Variants in KCTD8 observed in about 807,000 individuals in gnomAD.
KCTD8 encodes the protein potassium channel tetramerization domain containing 8.
A neutral mutation model predicts 31.5 loss-of-function variants in KCTD8; 27 were observed. That is an observed-to-expected ratio of 0.86 (90% CI 0.63 to 1.18). The LOEUF is 1.18. Among genes scored for constraint, KCTD8 ranks in the 50% most tolerant of loss-of-function variants. The probability of loss-of-function intolerance (pLI) is 0.00; values close to 1 mark genes in which losing one functional copy is unlikely to be tolerated. For synonymous variants in KCTD8, 290 were observed against 280.0 expected, an observed-to-expected ratio of 1.04 and a Z score of -0.36; for missense variants, 658 against 647.7, an observed-to-expected ratio of 1.02 and a Z score of -0.17.
chr4:44,235,497 C>G (rs1715249319), intron 1 of KCTD8, among the ~76,000 whole-genome samples: 1 of 105,502 alleles, frequency 9.5e-6, no homozygotes, highest in African/African-American at 3.4e-5. Context: ...TGGATTTTAC[C>G]CATGTATACA....
chr4:44,175,668 T>C (rs1713194493), intron 1 of KCTD8, among the ~76,000 whole-genome samples: 1 of 152,200 alleles, frequency 6.6e-6, no homozygotes, highest in African/African-American at 2.4e-5. Context: ...AGGTGTCCTT[T>C]GTATATATAT....
intron 1 of KCTD8, among the ~76,000 whole-genome samples, chr4:44,439,684 T>C (rs1478325990): frequency 6.6e-6 from 1 of 152,112 alleles, no homozygotes; most frequent in Non-Finnish European, 1.5e-5. Context: ...CTTTTACAGA[T>C]ACCTTATCAG....
chr4:44,232,323 T>G (rs1343308468), intron 1 of KCTD8, among the ~76,000 whole-genome samples: 1 of 152,094 alleles, frequency 6.6e-6, no homozygotes, highest in Admixed American at 6.6e-5. Flanking sequence ...TTCTTACCCC[T>G]CCTTATTAAT....
chr4:44,225,815 C>CTTTTTTTTTTTTTTTTTTTT (rs35751540), intron 1 of KCTD8, among the ~76,000 whole-genome samples: 1 of 74,450 alleles, frequency 1.3e-5, no homozygotes, highest in African/African-American at 5.4e-5. Context: ...GGTTTTGTCT[C>CTTTTTTTTTTTTTTTTTTTT]TTTTTTTTTT....
At chr4:44,291,974 A>C (rs1262573456) in intron 1 of KCTD8, among the ~76,000 whole-genome samples, 9 of 151,346 alleles carry the variant, frequency 5.9e-5, no homozygotes, top group Non-Finnish European at 1.3e-4. Context: ...AAAAAAAAAA[A>C]AAAAAAAAAC....
At chr4:44,410,689 A>G (rs956356065) in intron 1 of KCTD8, among the ~76,000 whole-genome samples, 17 of 152,082 alleles carry the variant, frequency 1.1e-4, no homozygotes, top group African/African-American at 3.9e-4. Context: ...GGATGATGGC[A>G]GGCAAAAAAG....
Position 44,175,206 on chromosome 4 carries a change from T to G in KCTD8, c.1006A>C (p.Arg336=). 6.2e-7 allele frequency: 1 copy of G among 1,603,590 alleles called. No homozygotes were observed. Among genetic ancestry groups the G allele is most frequent in the Non-Finnish European group, 8.5e-7 (1 of 1,175,352 alleles). ...TTATCAGTGACTTTGTCATGTTTCC[T>G]ATCTTCATGTTCTTGTTTAGGTGAT... ...IVSPKQEHED[R]KHDKVTDKGS... Residue 336 remains arginine (R), a synonymous_variant, in exon 2 of 2, where the codon AGG becomes CGG. Coordinates refer to ENST00000360029, the MANE Select transcript of KCTD8 (RefSeq NM_198353.3).
chr4:44,326,197 G>A (rs1180582053), intron 1 of KCTD8, among the ~76,000 whole-genome samples: 1 of 151,744 alleles, frequency 6.6e-6, no homozygotes, highest in Non-Finnish European at 1.5e-5. Context: ...GTTCAAGGAA[G>A]TTTTTCCTAT....
intron 1 of KCTD8, among the ~76,000 whole-genome samples, chr4:44,195,804 A>G (rs548360225): frequency 1.3e-5 from 2 of 152,300 alleles, no homozygotes; most frequent in South Asian, 4.1e-4. Flanking sequence ...AGAGGAAGTA[A>G]CAGCATACTA....
intron 1 of KCTD8, among the ~76,000 whole-genome samples, chr4:44,410,891 A>T (rs1313763652): frequency 6.6e-6 from 1 of 152,138 alleles, no homozygotes; most frequent in African/African-American, 2.4e-5. Context: ...CATGTATATT[A>T]TAATCTCCTG....
intron 1 of KCTD8, among the ~76,000 whole-genome samples, chr4:44,401,139 C>T (rs1720643645): frequency 6.8e-6 from 1 of 146,962 alleles, no homozygotes; most frequent in South Asian, 2.2e-4. Flanking sequence ...AGGCATGAAT[C>T]ACCATGCCCA....
intron 1 of KCTD8, among the ~76,000 whole-genome samples, chr4:44,211,284 T>C (rs1257363347): frequency 2.6e-5 from 4 of 152,216 alleles, no homozygotes; most frequent in African/African-American, 9.6e-5. Flanking sequence ...TCTAATGTCA[T>C]ACATCTACAT....
In KCTD8 at chr4:44,447,681, A is replaced by G. The variant is rs1048077981; in HGVS notation, c.843T>C (p.Asp281=). 3.7e-6 allele frequency: 6 copies of G among 1,612,556 alleles called. No homozygotes were observed. The African/African-American group carries it at 8.0e-5, about 21-fold the overall frequency. ...LKFTYLEQAF[D]RLSEAGFHMV... ...TGTGGAAGCCGGCCTCGGACAGGCG[A>G]TCAAAGGCCTGCTCCAAGTAGGTGA... is the stretch of plus-strand genomic sequence containing the variant. The change falls in exon 1 of 2, where the codon GAT becomes GAC. Residue 281 remains aspartate (D), a synonymous_variant. Coordinates refer to ENST00000360029, the MANE Select transcript of KCTD8 (RefSeq NM_198353.3).
At chr4:44,378,528 G>A (rs1719976491) in intron 1 of KCTD8, among the ~76,000 whole-genome samples, 1 of 151,958 alleles carries the variant, frequency 6.6e-6, no homozygotes, top group Non-Finnish European at 1.5e-5. Context: ...TTAACTGAAT[G>A]TATCACCTAT....
chr4:44,408,371 T>C (rs1045419087), intron 1 of KCTD8, among the ~76,000 whole-genome samples: 2 of 152,212 alleles, frequency 1.3e-5, no homozygotes, highest in Non-Finnish European at 2.9e-5. Flanking sequence ...TTATGTAGCA[T>C]ACTTTTATAG....
intron 1 of KCTD8, among the ~76,000 whole-genome samples, chr4:44,268,572 G>A (rs944143839): frequency 6.6e-6 from 1 of 151,912 alleles, no homozygotes; most frequent in Non-Finnish European, 1.5e-5. Flanking sequence ...GGAAATAAAG[G>A]GTATTCAATT....
chr4:44,222,483 T>G (rs2347926), intron 1 of KCTD8, among the ~76,000 whole-genome samples: 35,635 of 152,016 alleles, frequency 0.23, 4,338 homozygotes, highest in South Asian at 0.33. Flanking sequence ...TCAGAGAAGA[T>G]GAAGGAGATC....
chr4:44,262,210 G>A (rs1421448204), intron 1 of KCTD8, among the ~76,000 whole-genome samples: 4 of 152,102 alleles, frequency 2.6e-5, no homozygotes, highest in Admixed American at 2.6e-4. Flanking sequence ...ACTGTGACTA[G>A]AGTTTTCAGT....
intron 1 of KCTD8, among the ~76,000 whole-genome samples, chr4:44,325,401 C>G (rs1316439920): frequency 6.6e-6 from 1 of 151,864 alleles, no homozygotes; most frequent in African/African-American, 2.4e-5. Flanking sequence ...ATATGTTGGT[C>G]AAAGTATGAA....
Sources: allele counts gnomAD v4.1 joint callset (sites outside exome capture counted in the v4.1 genomes callset), GRCh38; gene constraint gnomAD v4.1.1; transcripts MANE v1.5; gene names NCBI Gene and HGNC (gene_info 2026-07-23, HGNC 2026-07-21).